Variants in NUDCD1 observed in about 807,000 individuals in gnomAD.
NUDCD1 encodes the protein NudC domain containing 1, also known as nudC domain-containing protein 1.
NUDCD1 carries 60 observed loss-of-function variants against 67.8 expected under a neutral mutation model. That is an observed-to-expected ratio of 0.88 (90% confidence interval 0.72 to 1.10). The LOEUF is 1.10. Among genes scored for constraint, NUDCD1 ranks in the 50% least tolerant of loss-of-function variants. The pLI is 0.00. For synonymous variants in NUDCD1, 244 were observed against 230.8 expected, an observed-to-expected ratio of 1.06 and a Z score of -0.52; for missense variants, 643 against 695.0, an observed-to-expected ratio of 0.93 and a Z score of 0.84.
At chr8:109,293,232 T>C (rs1026305657) in intron 4 of NUDCD1, 112 bp downstream of exon 4, 4 of 549,148 alleles carry the variant, frequency 7.3e-6, no homozygotes, top group Non-Finnish European at 9.6e-6. Context: ...GGTGCCAGAA[T>C]TGTAACACAA....
At chr8:109,303,712 C>A (rs898301797) in intron 2 of NUDCD1, among the ~76,000 whole-genome samples, 2 of 152,070 alleles carry the variant, frequency 1.3e-5, no homozygotes, top group African/African-American at 4.8e-5. Context: ...GTATAGGACA[C>A]CTCTACTCCC....
intron 7 of NUDCD1, among the ~76,000 whole-genome samples, chr8:109,271,686 G>C (rs1057110982): frequency 1.3e-5 from 2 of 152,150 alleles, no homozygotes; most frequent in Non-Finnish European, 2.9e-5. Context: ...AGAACTCCAA[G>C]CACAACAAAC....
At chr8:109,322,861 T>C (rs1469949785) in intron 1 of NUDCD1, among the ~76,000 whole-genome samples, 2 of 152,202 alleles carry the variant, frequency 1.3e-5, no homozygotes, top group Admixed American at 6.5e-5. Flanking sequence ...TTTAATATAC[T>C]ATTATCTCAT....
At chr8:109,329,694 G>A in intron 1 of NUDCD1, 1 of 940,044 alleles carries the variant, frequency 1.1e-6, no homozygotes, top group Non-Finnish European at 1.6e-6. Flanking sequence ...TTTCACGGGT[G>A]TATACATATA....
intron 8 of NUDCD1, among the ~76,000 whole-genome samples, chr8:109,249,512 A>T (rs1472681322): frequency 6.6e-6 from 1 of 152,246 alleles, no homozygotes; most frequent in Admixed American, 6.5e-5. Flanking sequence ...TACCATTTCA[A>T]AAATGAGAAA....
intron 8 of NUDCD1, among the ~76,000 whole-genome samples, chr8:109,263,513 T>G (rs1813919271): frequency 2.0e-5 from 3 of 152,220 alleles, no homozygotes; most frequent in Admixed American, 1.3e-4. Flanking sequence ...TCCAGTAATT[T>G]CCTGTCTCCT....
Position 109,301,739 on chromosome 8 carries a change from C to G in NUDCD1, c.274-5170G>C, listed in dbSNP as rs553491899. Among the ~76,000 whole-genome samples, 12 of 152,380 alleles carry G rather than the reference C, an allele frequency of 7.9e-5. No homozygotes were observed. In the South Asian group the frequency reaches 1.4e-3, roughly 18 times the overall value. ...TCTCCCTGTCCTTCCAATTCCAGCT[C>G]TTTGTCCTCTCTAATAGAGACAAAA... On this transcript the variant is annotated intron_variant, in intron 2 of 9. Coordinates refer to ENST00000239690, the MANE Select transcript of NUDCD1 (RefSeq NM_032869.4).
At chr8:109,275,875 C>T (rs1394846237) in intron 6 of NUDCD1, among the ~76,000 whole-genome samples, 12 of 151,914 alleles carry the variant, frequency 7.9e-5, no homozygotes, top group Non-Finnish European at 2.9e-5. Context: ...GGCATGTAAG[C>T]AAAGAGTAAA....
At chr8:109,279,560 T>C (rs577583502) in intron 6 of NUDCD1, among the ~76,000 whole-genome samples, 2 of 152,216 alleles carry the variant, frequency 1.3e-5, no homozygotes, top group South Asian at 4.1e-4. Flanking sequence ...GTTCTCTTAA[T>C]GGTATCTTTA....
intron 1 of NUDCD1, among the ~76,000 whole-genome samples, chr8:109,322,784 A>T (rs1308549525): frequency 6.6e-6 from 1 of 152,202 alleles, no homozygotes; most frequent in African/African-American, 2.4e-5. Context: ...TCTAAAATTG[A>T]AGAATCTACC....
chr8:109,247,714 C>T (rs1813530537), intron 8 of NUDCD1, among the ~76,000 whole-genome samples: 1 of 152,166 alleles, frequency 6.6e-6, no homozygotes, highest in African/African-American at 2.4e-5. Flanking sequence ...CACTTATCCT[C>T]TAAGACTCAA....
At chr8:109,287,466 G>C (rs1472686312) in intron 5 of NUDCD1, among the ~76,000 whole-genome samples, 1 of 152,074 alleles carries the variant, frequency 6.6e-6, no homozygotes, top group African/African-American at 2.4e-5. Flanking sequence ...CCAGGTAAAA[G>C]AACAAAATCA....
intron 2 of NUDCD1, among the ~76,000 whole-genome samples, chr8:109,320,482 C>G (rs1330633633): frequency 6.6e-6 from 1 of 152,238 alleles, no homozygotes; most frequent in African/African-American, 2.4e-5. Flanking sequence ...CTCTCTTACT[C>G]CCTGAACAAT....
chr8:109,301,996 G>C (rs1049132993), intron 2 of NUDCD1, among the ~76,000 whole-genome samples: 1 of 152,128 alleles, frequency 6.6e-6, no homozygotes, highest in Non-Finnish European at 1.5e-5. Context: ...TTGCAGCCCA[G>C]GGCTGCTCAC....
intron 4 of NUDCD1, among the ~76,000 whole-genome samples, chr8:109,291,490 T>C (rs1310440527): frequency 6.6e-6 from 1 of 152,196 alleles, no homozygotes; most frequent in Non-Finnish European, 1.5e-5. Context: ...ATATGCTTAA[T>C]GTGTAATGGA....
intron 2 of NUDCD1, among the ~76,000 whole-genome samples, chr8:109,310,019 T>C (rs1815205406): frequency 6.6e-6 from 1 of 152,000 alleles, no homozygotes; most frequent in Admixed American, 6.6e-5. Context: ...CATGGATGGG[T>C]AGAATCAATA....
chr8:109,245,952 C>T (rs1355438589), intron 8 of NUDCD1, among the ~76,000 whole-genome samples: 2 of 152,174 alleles, frequency 1.3e-5, no homozygotes, highest in Non-Finnish European at 2.9e-5. Flanking sequence ...CCTGTCAGAT[C>T]AGCAGTGGAA....
chr8:109,274,777 G>A (rs147074229), intron 7 of NUDCD1, among the ~76,000 whole-genome samples: 4,579 of 152,046 alleles, frequency 0.03, 88 homozygotes, highest in Middle Eastern at 0.11. Flanking sequence ...GTTAGAAAAC[G>A]AACACATAAT....
intron 8 of NUDCD1, among the ~76,000 whole-genome samples, chr8:109,268,552 T>C (rs1814059687): frequency 6.6e-6 from 1 of 152,122 alleles, no homozygotes; most frequent in Non-Finnish European, 1.5e-5. Flanking sequence ...AAACTACTGA[T>C]CAACAATACT....
Sources: allele counts gnomAD v4.1 joint callset (sites outside exome capture counted in the v4.1 genomes callset), GRCh38; gene constraint gnomAD v4.1.1; transcripts MANE v1.5; gene names NCBI Gene and HGNC (gene_info 2026-07-23, HGNC 2026-07-21).